The following NAALADL2 variants were observed in gnomAD, a reference collection of about 807,000 sequenced individuals.
NAALADL2 encodes N-acetylated alpha-linked acidic dipeptidase like 2, also known as inactive N-acetylated-alpha-linked acidic dipeptidase-like protein 2.
Under a neutral mutation model 87.2 loss-of-function variants are expected in NAALADL2, and 76 were observed. That is an observed-to-expected ratio of 0.87 (90% CI 0.72 to 1.05). The LOEUF (loss-of-function observed/expected upper bound fraction) is 1.05, where lower values mean the gene tolerates loss of function less well. Ranked by LOEUF, NAALADL2 falls within the 50% of genes least tolerant of loss-of-function variation. The pLI is 0.00. For missense variants in NAALADL2, 1,089 were observed against 945.8 expected (o/e 1.15, Z -1.99); for synonymous variants, 354 against 331.0 (o/e 1.07, Z -0.75).
chr3:175,242,963 T>G lies in NAALADL2; in HGVS notation c.819+8759T>G, dbSNP rs768371548. On this transcript the variant is annotated intron_variant, in intron 3 of 13. Coordinates refer to ENST00000454872, the MANE Select transcript of NAALADL2 (RefSeq NM_207015.3). ...AGATAGACTGGAACAATTGATTCAA[T>G]CTGCTTAGCAAAATGTCTAGCACAG... Among the ~76,000 whole-genome samples, 8 of 152,284 alleles carry G rather than the reference T, an allele frequency of 5.3e-5. No homozygotes were observed. The South Asian group carries it at 1.7e-3, about 32-fold the overall frequency.
At chr3:175,346,770 G>T (rs1373537239) in intron 5 of NAALADL2, among the ~76,000 whole-genome samples, 2 of 152,180 alleles carry the variant, frequency 1.3e-5, no homozygotes, top group Non-Finnish European at 2.9e-5. Context: ...TAAACGACTT[G>T]CTGGAGCTTA....
At chr3:175,245,048 C>G (rs918744666) in intron 3 of NAALADL2, among the ~76,000 whole-genome samples, 2 of 152,088 alleles carry the variant, frequency 1.3e-5, no homozygotes, top group African/African-American at 4.8e-5. Flanking sequence ...CTCTTTAATA[C>G]CCTCTTTCTT....
intron 2 of NAALADL2, among the ~76,000 whole-genome samples, chr3:175,107,355 A>G (rs1029098128): frequency 1.3e-5 from 2 of 152,032 alleles, no homozygotes; most frequent in African/African-American, 4.8e-5. Context: ...TTCAACCAGC[A>G]GACTGCCTTT....
intron 3 of NAALADL2, among the ~76,000 whole-genome samples, chr3:174,747,754 A>G (rs1166378229): frequency 6.6e-6 from 1 of 151,978 alleles, no homozygotes; most frequent in African/African-American, 2.4e-5. Context: ...CACTGTGGTG[A>G]TTCCTCAAAG....
chr3:174,760,672 T>G (rs571882872), intron 3 of NAALADL2, among the ~76,000 whole-genome samples: 1 of 152,368 alleles, frequency 6.6e-6, no homozygotes, highest in Non-Finnish European at 1.5e-5. Context: ...TCCTTGTTGC[T>G]GCTTTCTTTG....
intron 1 of NAALADL2, among the ~76,000 whole-genome samples, chr3:174,871,974 CTTTAATAT>C (rs1422494767): frequency 6.6e-6 from 1 of 151,970 alleles, no homozygotes; most frequent in Non-Finnish European, 1.5e-5. Flanking sequence ...TCTTGACGAT[CTTTAATAT>C]TTTAATATAG....
At chr3:175,615,933 T>G (rs1370490337) in intron 10 of NAALADL2, among the ~76,000 whole-genome samples, 2 of 146,998 alleles carry the variant, frequency 1.4e-5, no homozygotes, top group African/African-American at 5.0e-5. Context: ...TTACATATGA[T>G]TATGTATGTT....
At chr3:175,461,989 G>C (rs1330882950) in intron 6 of NAALADL2, among the ~76,000 whole-genome samples, 1 of 152,122 alleles carries the variant, frequency 6.6e-6, no homozygotes, top group African/African-American at 2.4e-5. Context: ...GGGGATTTTA[G>C]AGTAGTGAAG....
At chr3:175,480,748 T>C (rs1726337940) in intron 9 of NAALADL2, among the ~76,000 whole-genome samples, 1 of 151,858 alleles carries the variant, frequency 6.6e-6, no homozygotes, top group African/African-American at 2.4e-5. Context: ...AATAAGGTAT[T>C]GTACAATCCC....
At chr3:174,687,308 A>G (rs951951881) in intron 2 of NAALADL2, among the ~76,000 whole-genome samples, 1 of 151,974 alleles carries the variant, frequency 6.6e-6, no homozygotes, top group Non-Finnish European at 1.5e-5. Flanking sequence ...TTCCCTTAAC[A>G]CCTTGCATTC....
chr3:174,624,719 T>C (rs994575573), intron 2 of NAALADL2, among the ~76,000 whole-genome samples: 1 of 152,170 alleles, frequency 6.6e-6, no homozygotes, highest in African/African-American at 2.4e-5. Flanking sequence ...GTTATTTAGA[T>C]TGCAAGCTCT....
At chr3:174,737,049 G>T (rs1560183377) in intron 2 of NAALADL2, among the ~76,000 whole-genome samples, 1 of 152,196 alleles carries the variant, frequency 6.6e-6, no homozygotes, top group East Asian at 1.9e-4. Context: ...AAGGGTGGGG[G>T]TCCTGCCCTG....
Position 174,787,742 on chromosome 3 carries a change from A to T in NAALADL2, c.-9+49996A>T, listed in dbSNP as rs550628089. 2.7e-5 allele frequency among the ~76,000 whole-genome samples: 4 copies of T among 150,510 alleles called. No homozygotes were observed. In the East Asian group the frequency reaches 7.8e-4, roughly 30 times the overall value. ...AATAAATCTTTCTGGGTTTTTATAA[A>T]TTTGAGTTTCAACCTAAGTGTCAAT... On this transcript the variant is annotated intron_variant, in intron 3 of 3. Coordinates refer to the NAALADL2 transcript ENST00000434257.
intron 2 of NAALADL2, among the ~76,000 whole-genome samples, chr3:174,572,556 A>G (rs867057706): frequency 1.3e-5 from 2 of 152,192 alleles, no homozygotes; most frequent in Non-Finnish European, 2.9e-5. Flanking sequence ...AAAATTTGCA[A>G]AAATGAAATA....
intron 3 of NAALADL2, among the ~76,000 whole-genome samples, chr3:174,755,861 A>G (rs1553847895): frequency 6.6e-6 from 1 of 152,218 alleles, no homozygotes; most frequent in Non-Finnish European, 1.5e-5. Flanking sequence ...TTCACTTGCT[A>G]ATCGGTTCCC....
At chr3:175,150,076 G>A (rs905409846) in intron 2 of NAALADL2, among the ~76,000 whole-genome samples, 2 of 152,068 alleles carry the variant, frequency 1.3e-5, no homozygotes, top group Non-Finnish European at 2.9e-5. Context: ...ATACTTCCCT[G>A]GCAGCATATG....
At chr3:174,901,332 T>G (rs1370346757) in intron 1 of NAALADL2, among the ~76,000 whole-genome samples, 1 of 152,122 alleles carries the variant, frequency 6.6e-6, no homozygotes, top group East Asian at 1.9e-4. Flanking sequence ...AGATGGAGCT[T>G]GTGAGAAGTA....
chr3:175,047,626 ACT>A (rs1468771495), intron 1 of NAALADL2, among the ~76,000 whole-genome samples: 1 of 152,048 alleles, frequency 6.6e-6, no homozygotes, highest in Non-Finnish European at 1.5e-5. Flanking sequence ...ACCCAAACTC[ACT>A]CTAAAGTTTT....
chr3:175,141,486 T>C, intron 2 of NAALADL2, among the ~76,000 whole-genome samples: 1 of 151,974 alleles, frequency 6.6e-6, no homozygotes, highest in Admixed American at 6.6e-5. Flanking sequence ...GAGTAGAGGG[T>C]CAAATGATTC....
Sources: allele counts gnomAD v4.1 joint callset (sites outside exome capture counted in the v4.1 genomes callset), GRCh38; gene constraint gnomAD v4.1.1; transcripts MANE v1.5; gene names NCBI Gene and HGNC (gene_info 2026-07-23, HGNC 2026-07-21).